SPOCK3: variants seen among roughly 807,000 people sequenced by gnomAD.
The protein encoded by SPOCK3 is testican-3.
A neutral mutation model predicts 56.6 loss-of-function variants in SPOCK3; 30 were observed. The observed-to-expected ratio is 0.53, with a 90% CI of 0.40 to 0.72. SPOCK3 has a LOEUF of 0.72. Ranked by LOEUF, SPOCK3 falls within the 30% of genes least tolerant of loss-of-function variation. The probability of loss-of-function intolerance (pLI) is 0.00; values close to 1 mark genes in which losing one functional copy is unlikely to be tolerated. For missense variants in SPOCK3, 527 were observed against 530.0 expected, an observed-to-expected ratio of 0.99 and a Z score of 0.06; for synonymous variants, 196 against 183.3, an observed-to-expected ratio of 1.07 and a Z score of -0.56.
At chr4:167,157,096 A>T (rs1764879136) in intron 2 of SPOCK3, among the ~76,000 whole-genome samples, 1 of 152,090 alleles carries the variant, frequency 6.6e-6, no homozygotes, top group African/African-American at 2.4e-5. Context: ...CAACTCCTTC[A>T]AAACCTATGG....
intron 6 of SPOCK3, among the ~76,000 whole-genome samples, chr4:166,873,972 G>A (rs571636899): frequency 2.6e-5 from 4 of 152,248 alleles, no homozygotes; most frequent in East Asian, 1.9e-4. Flanking sequence ...AGTGTCTCTC[G>A]TGTGTACATG....
chr4:166,743,368 G>A (rs557826664), intron 8 of SPOCK3, among the ~76,000 whole-genome samples: 7 of 152,132 alleles, frequency 4.6e-5, no homozygotes, highest in South Asian at 4.1e-4. Context: ...ACGTAACAAA[G>A]TGGAATAAAG....
chr4:167,015,843 T>C (rs981193251), intron 3 of SPOCK3, among the ~76,000 whole-genome samples: 6 of 152,158 alleles, frequency 3.9e-5, no homozygotes, highest in African/African-American at 1.4e-4. Flanking sequence ...TAGTTCATCC[T>C]GGTGCAAATG....
chr4:167,082,254 AAGTT>A (rs1414317879), intron 2 of SPOCK3, among the ~76,000 whole-genome samples: 3 of 152,100 alleles, frequency 2.0e-5, no homozygotes, highest in Non-Finnish European at 4.4e-5. Context: ...TATGTAGTAT[AAGTT>A]AGTCATATGG....
intron 2 of SPOCK3, among the ~76,000 whole-genome samples, chr4:167,092,474 T>C (rs541857654): frequency 1.1e-4 from 17 of 152,296 alleles, no homozygotes; most frequent in Admixed American, 3.3e-4. Context: ...AATTATTGCA[T>C]TGATCTGATT....
intron 4 of SPOCK3, among the ~76,000 whole-genome samples, chr4:166,962,058 G>A (rs545340344): frequency 2.0e-5 from 3 of 152,152 alleles, no homozygotes; most frequent in African/African-American, 7.2e-5. Context: ...CTTCAAAGAA[G>A]GCAGAGTCTT....
chr4:167,074,054 T>TA (rs35446801), intron 2 of SPOCK3, among the ~76,000 whole-genome samples: 4,552 of 139,716 alleles, frequency 0.033, 107 homozygotes, highest in Middle Eastern at 0.07. Flanking sequence ...ACACACTTTC[T>TA]AAAAAAAAAA....
chr4:166,860,817 G>GTATATATATATA lies in SPOCK3; in HGVS notation c.589+28301_589+28312dup, dbSNP rs1307737257. On this transcript the variant is annotated intron_variant, in intron 6 of 10. Coordinates refer to ENST00000357545, the MANE Select transcript of SPOCK3 (RefSeq NM_001040159.2). ...CACACAAATTCATATATATATATAT[G>GTATATATATATA]TATATATATATATGCATAAAATATA... Among the ~76,000 whole-genome samples the GTATATATATATA allele has an allele frequency of 6.7e-3, 207 of 31,058 alleles. 3 individuals carry two copies. The highest frequency in any genetic ancestry group is 0.023 in the African/African-American group (203 of 8,712). 20.4% of individuals were successfully genotyped at this position (31,058 alleles called of 152,430 possible). A position where few individuals can be genotyped will look rare whatever the true frequency, so the allele number is the denominator to read the frequency against.
intron 2 of SPOCK3, among the ~76,000 whole-genome samples, chr4:167,139,434 A>T (rs1448419423): frequency 6.6e-6 from 1 of 152,068 alleles, no homozygotes; most frequent in Non-Finnish European, 1.5e-5. Flanking sequence ...CATGGAAAGT[A>T]ATTCTGGAAA....
chr4:166,764,914 T>C, intron 7 of SPOCK3, among the ~76,000 whole-genome samples: 1 of 152,008 alleles, frequency 6.6e-6, no homozygotes, highest in Non-Finnish European at 1.5e-5. Context: ...TCATTGTGGT[T>C]TTGATTTGCA....
rs1211931316 is a variant in SPOCK3, at chr4:167,192,332, T to A, written c.189+41653A>T. ...ATTTGGAAGTGTTCTCTCCAAACTT[T>A]TTTTGGCAGAGTTTGAAATGAATTG... On this transcript the variant is annotated intron_variant, in intron 2 of 10. Coordinates refer to ENST00000357545, the MANE Select transcript of SPOCK3 (RefSeq NM_001040159.2). Among the ~76,000 whole-genome samples the A allele has an allele frequency of 2.1e-5, 3 of 145,922 alleles. 1 individual carries two copies. Among genetic ancestry groups the A allele is most frequent in the Admixed American group, 7.0e-5 (1 of 14,190 alleles).
At chr4:167,154,327 A>G (rs918940629) in intron 2 of SPOCK3, among the ~76,000 whole-genome samples, 1 of 152,028 alleles carries the variant, frequency 6.6e-6, no homozygotes, top group Admixed American at 6.6e-5. Context: ...GAGCAGCTCA[A>G]TTTTGGTGCC....
intron 2 of SPOCK3, among the ~76,000 whole-genome samples, chr4:167,195,999 T>C: frequency 6.6e-6 from 1 of 152,214 alleles, no homozygotes. Context: ...ATTACCATAA[T>C]CCTCTTCTCC....
chr4:166,749,648 A>AT (rs1736115425), intron 8 of SPOCK3, among the ~76,000 whole-genome samples: 1 of 151,676 alleles, frequency 6.6e-6, no homozygotes, highest in African/African-American at 2.4e-5. Context: ...AAAAATAAAA[A>AT]AAAATAAAAA....
chr4:167,113,602 T>A (rs1007783712), intron 2 of SPOCK3, among the ~76,000 whole-genome samples: 6 of 151,996 alleles, frequency 3.9e-5, no homozygotes, highest in African/African-American at 1.4e-4. Context: ...AAGGGTCTAT[T>A]AAGGGAGAAG....
intron 3 of SPOCK3, chr4:167,011,428 C>T (rs911819487): frequency 2.0e-5 from 5 of 244,900 alleles, no homozygotes; most frequent in African/African-American, 8.9e-5. Flanking sequence ...TATTCCTCAA[C>T]CTCTACTTTG....
At chr4:166,831,758 G>GT (rs1469505797) in intron 6 of SPOCK3, among the ~76,000 whole-genome samples, 2,417 of 50,528 alleles carry the variant, frequency 0.048, 79 homozygotes, top group African/African-American at 0.093. Flanking sequence ...CTCCATTTTT[G>GT]TTTTTTTTTT....
At chr4:166,948,110 G>A (rs1395931548) in intron 4 of SPOCK3, among the ~76,000 whole-genome samples, 1 of 152,066 alleles carries the variant, frequency 6.6e-6, no homozygotes, top group Non-Finnish European at 1.5e-5. Flanking sequence ...GTGAGAACAT[G>A]TGCTATTTGT....
At chr4:166,899,131 C>T (rs545129416) in intron 5 of SPOCK3, among the ~76,000 whole-genome samples, 3 of 152,008 alleles carry the variant, frequency 2.0e-5, no homozygotes, top group African/African-American at 4.8e-5. Context: ...CCTTGGGCCA[C>T]GGACTGAATT....
Sources: allele counts gnomAD v4.1 joint callset (sites outside exome capture counted in the v4.1 genomes callset), GRCh38; gene constraint gnomAD v4.1.1; transcripts MANE v1.5; gene names NCBI Gene and HGNC (gene_info 2026-07-23, HGNC 2026-07-21).